ATP5F1C: variants seen among roughly 807,000 people sequenced by gnomAD.
The protein encoded by ATP5F1C is ATP synthase F1 subunit gamma, also known as ATP synthase F(1) complex subunit gamma, mitochondrial.
Under a neutral mutation model 37.4 loss-of-function variants are expected in ATP5F1C, and 22 were observed. The ratio of observed to expected loss-of-function variants is 0.59; its 90% CI spans 0.42 to 0.84. The LOEUF (loss-of-function observed/expected upper bound fraction) is 0.84. Ranked by LOEUF, ATP5F1C falls within the 40% of genes least tolerant of loss-of-function variation. The pLI is 0.00. For missense variants in ATP5F1C, 286 were observed against 362.4 expected (o/e 0.79, Z 1.71); for synonymous variants, 121 against 128.0 (o/e 0.95, Z 0.37).
chr10:7,789,434 G>T (rs1836120446), intron 1 of ATP5F1C, among the ~76,000 whole-genome samples: 1 of 148,300 alleles, frequency 6.7e-6, no homozygotes, highest in Non-Finnish European at 1.5e-5. Flanking sequence ...CTTGGCCTTG[G>T]AAGTCAGATT....
intron 1 of ATP5F1C, among the ~76,000 whole-genome samples, chr10:7,792,631 T>C (rs1836180178): frequency 6.6e-6 from 1 of 152,208 alleles, no homozygotes; most frequent in Non-Finnish European, 1.5e-5. Flanking sequence ...GATGGCCTTC[T>C]CTCCCTTAGC....
At chr10:7,804,235 T>A in intron 8 of ATP5F1C, 1 of 518,592 alleles carries the variant, frequency 1.9e-6, no homozygotes. Context: ...ATTTGCCTAT[T>A]CTTGTGACAG....
chr10:7,792,881 G>A (rs1426355650), intron 1 of ATP5F1C, among the ~76,000 whole-genome samples: 1 of 152,126 alleles, frequency 6.6e-6, no homozygotes, highest in Non-Finnish European at 1.5e-5. Context: ...CTAGGTTTAG[G>A]TTTGTAAAAA....
chr10:7,804,129 G>T (rs1251614958), intron 8 of ATP5F1C: 1 of 518,884 alleles, frequency 1.9e-6, no homozygotes, highest in Non-Finnish European at 3.8e-6. Flanking sequence ...GCTAAGAATG[G>T]GTTCTGCATT....
chr10:7,798,237 C>G (rs538951442), intron 3 of ATP5F1C, among the ~76,000 whole-genome samples: 1 of 151,140 alleles, frequency 6.6e-6, no homozygotes, highest in East Asian at 1.9e-4. Context: ...TGTTTGTTTT[C>G]TTTTTGTGTT....
chr10:7,806,898 A>G lies in ATP5F1C; in HGVS notation c.891-76A>G, dbSNP rs1836493022. 4 of 1,279,480 alleles carry G rather than the reference A, an allele frequency of 3.1e-6. 1 individual carries two copies. In the South Asian group the frequency reaches 4.8e-5, roughly 15 times the overall value. The allele number at this position is 1,279,480 out of a possible 1,614,324, so 79.3% of individuals were successfully genotyped here. On this transcript the variant is annotated intron_variant, in intron 8 of 9. Transcript: ENST00000356708. Reference sequence around the variant, plus strand: ...TTGACTTTTTTTCATTGGAAAGCATATGTGATTAACTAGCATGGATTGCTT... The same window carrying G: ...TTGACTTTTTTTCATTGGAAAGCATGTGTGATTAACTAGCATGGATTGCTT...
In ATP5F1C at chr10:7,796,878, C is replaced by A. The variant is rs573270322; in HGVS notation, c.92-169C>A. 7.1e-4 allele frequency: 505 copies of A among 713,430 alleles called. 2 individuals carry two copies. In the African/African-American group the frequency reaches 8.5e-3, roughly 12 times the overall value. 44.2% of individuals were successfully genotyped at this position (713,430 alleles called of 1,614,324 possible). A position where few individuals can be genotyped will look rare whatever the true frequency, so the allele number is the denominator to read the frequency against. ...GGATTACAGGCGTGAGCCACCGTGCCCGGCTATTAGTACTAGTTCTAATAT... is the reference window on the plus strand; with the variant it reads ...GGATTACAGGCGTGAGCCACCGTGCACGGCTATTAGTACTAGTTCTAATAT... On this transcript the variant is annotated intron_variant, in intron 2 of 9. Transcript: ENST00000356708.
chr10:7,807,537 A>G, intron 9 of ATP5F1C, 122 bp from the exon 10 acceptor site: 1 of 1,200,010 alleles, frequency 8.3e-7, no homozygotes, highest in East Asian at 2.4e-5. Flanking sequence ...GGTATAGGGT[A>G]ACACTTTATT....
At position 7,807,792 on chromosome 10, in the gene ATP5F1C, T is replaced by A; in HGVS notation, c.*164T>A. 1 of 1,006,626 alleles carries A rather than the reference T, an allele frequency of 9.9e-7. No homozygotes were observed. 62.4% of individuals were successfully genotyped at this position (1,006,626 alleles called of 1,614,324 possible). ...GTAAATTATCTTAAAATAAACAACT[T>A]AAAATAAAATCATTGTTTTTCTTAT... On this transcript the variant is annotated 3_prime_UTR_variant, in exon 10 of 10. Transcript: ENST00000356708.
In ATP5F1C at chr10:7,788,221, C is replaced by T. The variant is rs374433831; in HGVS notation, c.14C>T (p.Ala5Val). MFSR[A>V]GVAGLSAWTL... ...GCTGTGGCTACCATGTTCTCTCGCG[C>T]GGGTGTCGCTGGGCTGTCGGCCTGG... Residue 5 changes from alanine to valine, a missense_variant, in exon 1 of 10, where the codon GCG becomes GTG. Coordinates refer to ENST00000356708, the MANE Select transcript of ATP5F1C (RefSeq NM_001001973.3). 3.7e-6 allele frequency: 6 copies of T among 1,613,542 alleles called. No individual in the cohort carries two copies. Among genetic ancestry groups the T allele is most frequent in the Non-Finnish European group, 4.2e-6 (5 of 1,179,924 alleles).
intron 8 of ATP5F1C, chr10:7,804,247 G>A (rs1241013433): frequency 3.9e-6 from 2 of 516,266 alleles, no homozygotes; most frequent in African/African-American, 3.9e-5. Flanking sequence ...TTGTGACAGT[G>A]TTATGAGGAA....
intron 1 of ATP5F1C, among the ~76,000 whole-genome samples, chr10:7,788,553 C>A (rs1055420252): frequency 6.6e-6 from 1 of 152,206 alleles, no homozygotes; most frequent in East Asian, 1.9e-4. Context: ...GACGTCTGGG[C>A]GGTCTTGAGT....
chr10:7,805,879 G>C (rs1483213508), intron 8 of ATP5F1C, among the ~76,000 whole-genome samples: 1 of 152,120 alleles, frequency 6.6e-6, no homozygotes. Context: ...TTGAGCCCAG[G>C]AGTTCAAGAC....
At position 7,797,098 on chromosome 10, in the gene ATP5F1C, T is replaced by C; in HGVS notation, c.143T>C (p.Met48Thr). The C allele has an allele frequency of 1.9e-6, 3 of 1,614,148 alleles. No homozygotes were observed. Among genetic ancestry groups the C allele is most frequent in the Non-Finnish European group, 2.5e-6 (3 of 1,180,016 alleles). The part of the protein sequence containing the change: ...IKNIQKITKS[M>T]KMVAAAKYAR... ...AACATCCAGAAAATTACCAAGTCTATGAAAATGGTAGCGGCAGCAAAATAT... is the reference window on the plus strand; with the variant it reads ...AACATCCAGAAAATTACCAAGTCTACGAAAATGGTAGCGGCAGCAAAATAT... Residue 48 changes from methionine (M) to threonine (T), a missense_variant, in exon 3 of 10, where the codon ATG (methionine) becomes ACG (threonine). Physicochemically the swap from Met to Thr is moderately conservative, Grantham distance 81. Transcript: ENST00000356708.
chr10:7,800,273 G>T (rs547458524), intron 6 of ATP5F1C, among the ~76,000 whole-genome samples, 182 bp downstream of exon 6: 1 of 152,282 alleles, frequency 6.6e-6, no homozygotes, highest in African/African-American at 2.4e-5. Context: ...TCGGCTCACT[G>T]CAAGTTCCGC....
intron 8 of ATP5F1C, among the ~76,000 whole-genome samples, chr10:7,805,742 T>G (rs3020559): frequency 0.99 from 132,492 of 133,758 alleles, 65,632 homozygotes; most frequent in East Asian, 1. Context: ...GCAAGACTCC[T>G]TCTCAAAAAA....
At chr10:7,791,068 G>A (rs186000111) in intron 1 of ATP5F1C, among the ~76,000 whole-genome samples, 7 of 152,298 alleles carry the variant, frequency 4.6e-5, no homozygotes, top group Admixed American at 2.0e-4. Context: ...TTGAGAGGCC[G>A]AGGCGGGCGG....
At position 7,802,319 on chromosome 10, in the gene ATP5F1C, C is replaced by T. The variant is rs1299112195; in HGVS notation, c.687C>T (p.Tyr229=). 1.2e-6 allele frequency: 2 copies of T among 1,613,788 alleles called. No individual in the cohort carries two copies. The highest frequency in any genetic ancestry group is 1.7e-6 in the Non-Finnish European group (2 of 1,179,980). ...DDIDADVLQN[Y]QEYNLANIIY... ...TTGATGCTGACGTGCTGCAAAATTACCAAGAATACAATCTGGCCAACATCA... is the reference window on the plus strand; with the variant it reads ...TTGATGCTGACGTGCTGCAAAATTATCAAGAATACAATCTGGCCAACATCA... The change falls in exon 7 of 10, where the codon TAC becomes TAT. Residue 229 remains tyrosine (Y), a synonymous_variant. Transcript: ENST00000356708.
chr10:7,802,667 C>T, intron 7 of ATP5F1C, 91 bp from the exon 8 acceptor site: 1 of 1,392,874 alleles, frequency 7.2e-7, no homozygotes, highest in Admixed American at 2.4e-5. Context: ...CCAAAAATTT[C>T]TTACTTTTAA....
Sources: gnomAD v4.1 joint callset for allele counts (sites outside exome capture counted in the v4.1 genomes callset) on GRCh38, gnomAD v4.1.1 for gene constraint, MANE v1.5 for transcripts, NCBI Gene and HGNC (gene_info 2026-07-23, HGNC 2026-07-21) for gene names.